Variants in PLXNC1 observed in about 807,000 individuals in gnomAD.
The protein encoded by PLXNC1 is plexin C1.
In PLXNC1, 75 loss-of-function variants were observed where a neutral mutation model predicts 178.2. The ratio of observed to expected loss-of-function variants is 0.42; its 90% CI spans 0.35 to 0.51. The LOEUF (loss-of-function observed/expected upper bound fraction) is 0.51, where lower values mean the gene tolerates loss of function less well. PLXNC1 is among the 20% of genes least tolerant of loss of function. The pLI, the probability that PLXNC1 is intolerant of heterozygous loss-of-function variation, is 0.02. For missense variants in PLXNC1, 1,503 were observed against 1,984.4 expected (o/e 0.76, Z 4.61); for synonymous variants, 790 against 779.9 (o/e 1.01, Z -0.22).
intron 4 of PLXNC1, 134 bp from the exon 5 acceptor site, chr12:94,209,456 A>G: frequency 1.6e-6 from 1 of 640,056 alleles, no homozygotes. Context: ...CGCTCAAATC[A>G]ATAATCCACT....
At chr12:94,262,426 GC>G in intron 20 of PLXNC1, 4 of 907,532 alleles carry the variant, frequency 4.4e-6, no homozygotes, top group Non-Finnish European at 5.3e-6. Flanking sequence ...GCTTTCAAGG[GC>G]TGCTCTTGGG....
At chr12:94,184,071 T>C (rs1592742428) in intron 3 of PLXNC1, among the ~76,000 whole-genome samples, 1 of 152,116 alleles carries the variant, frequency 6.6e-6, no homozygotes, top group East Asian at 1.9e-4. Context: ...CGGTCTGTTA[T>C]TAAATTAGAG....
intron 5 of PLXNC1, among the ~76,000 whole-genome samples, chr12:94,215,444 A>G (rs892512326): frequency 2.6e-5 from 4 of 152,174 alleles, no homozygotes; most frequent in African/African-American, 9.7e-5. Flanking sequence ...TAAAATTAAT[A>G]TAAAATTCAT....
chr12:94,265,390 C>T (rs559278659), intron 21 of PLXNC1, among the ~76,000 whole-genome samples, 165 bp downstream of exon 21: 1 of 152,192 alleles, frequency 6.6e-6, no homozygotes, highest in Admixed American at 6.5e-5. Context: ...AACACGTGTT[C>T]ACATAATAGA....
chr12:94,249,913 G>GA (rs763714788), intron 14 of PLXNC1, among the ~76,000 whole-genome samples: 82 of 118,514 alleles, frequency 6.9e-4, no homozygotes, highest in Middle Eastern at 9.3e-3. Context: ...TTGCTATGGA[G>GA]AAAAAAAGCA....
chr12:94,201,580 C>A (rs932946626), intron 4 of PLXNC1, among the ~76,000 whole-genome samples: 2 of 152,100 alleles, frequency 1.3e-5, no homozygotes, highest in African/African-American at 4.8e-5. Flanking sequence ...GGGCACATGT[C>A]TTGCTTGAGG....
At chr12:94,254,340 C>T (rs1381899243) in intron 15 of PLXNC1, 2 of 365,044 alleles carry the variant, frequency 5.5e-6, no homozygotes, top group Admixed American at 3.6e-5. Context: ...ATGTAGCCAA[C>T]TGTGGATCTG....
intron 4 of PLXNC1, among the ~76,000 whole-genome samples, chr12:94,198,187 A>G (rs1296115370): frequency 6.6e-6 from 1 of 152,194 alleles, no homozygotes; most frequent in Admixed American, 6.5e-5. Context: ...CATGGAATGA[A>G]AAGGAATGAG....
intron 19 of PLXNC1, among the ~76,000 whole-genome samples, 172 bp downstream of exon 19, chr12:94,259,906 A>C (rs1386365093): frequency 2.0e-5 from 3 of 152,240 alleles, no homozygotes; most frequent in African/African-American, 7.2e-5. Context: ...CTACAAAAAA[A>C]AAAAAAAAGA....
chr12:94,265,859 A>G (rs1461951423), intron 21 of PLXNC1, among the ~76,000 whole-genome samples: 1 of 151,678 alleles, frequency 6.6e-6, no homozygotes, highest in Non-Finnish European at 1.5e-5. Flanking sequence ...CACCCACCCC[A>G]TGCTCTTCCT....
intron 4 of PLXNC1, among the ~76,000 whole-genome samples, chr12:94,207,513 T>A (rs1963336108): frequency 6.6e-6 from 1 of 152,202 alleles, no homozygotes; most frequent in Non-Finnish European, 1.5e-5. Context: ...ATTTCATATT[T>A]CATCCTTTCA....
chr12:94,257,895 C>T (rs1022492708), intron 17 of PLXNC1, among the ~76,000 whole-genome samples: 58 of 145,270 alleles, frequency 4.0e-4, no homozygotes, highest in African/African-American at 1.2e-3. Context: ...GGCGACAGAG[C>T]GAGACTCTGT....
At chr12:94,226,749 C>A in intron 8 of PLXNC1, 42 bp downstream of exon 8, 1 of 1,380,398 alleles carries the variant, frequency 7.2e-7, no homozygotes, top group Non-Finnish European at 1.0e-6. Flanking sequence ...AACCGCCGGG[C>A]ATGGTGGCTC....
chr12:94,237,756 G>C lies in PLXNC1; in HGVS notation c.2073G>C (p.Ser691=), dbSNP rs774795224. The C allele has an allele frequency of 2.5e-6, 4 of 1,613,784 alleles. No individual in the cohort carries two copies. Among genetic ancestry groups the C allele is most frequent in the Non-Finnish European group, 3.4e-6 (4 of 1,179,930 alleles). Reference sequence around the variant, plus strand: ...CGGGAGCAAACTTTACCCGGGCATCGAACATCACAATGATCCTGAAAGGAA... The same window carrying C: ...CGGGAGCAAACTTTACCCGGGCATCCAACATCACAATGATCCTGAAAGGAA... ...IVTGANFTRA[S]NITMILKGTS... The change falls in exon 10 of 31, where the codon TCG becomes TCC. Residue 691 remains serine (S), a synonymous_variant. Coordinates refer to ENST00000258526, the MANE Select transcript of PLXNC1 (RefSeq NM_005761.3).
At chr12:94,228,144 A>G (rs1247388724) in intron 9 of PLXNC1, among the ~76,000 whole-genome samples, 1 of 152,258 alleles carries the variant, frequency 6.6e-6, no homozygotes, top group Admixed American at 6.5e-5. Flanking sequence ...TAGTAACTTC[A>G]GGTGAATTAA....
chr12:94,199,421 G>A lies in PLXNC1; in HGVS notation c.1440-10169G>A, dbSNP rs141724034. Among the ~76,000 whole-genome samples, 12 of 152,308 alleles carry A rather than the reference G, an allele frequency of 7.9e-5. No individual in the cohort carries two copies. In the East Asian group the frequency reaches 2.1e-3, roughly 27 times the overall value. ...CATTGTGCCGACTAATTGTGTAGAA[G>A]CAAGTAGGACAACTGTCTGTGGGGT... On this transcript the variant is annotated intron_variant, in intron 4 of 30. Coordinates refer to ENST00000258526, the MANE Select transcript of PLXNC1 (RefSeq NM_005761.3).
chr12:94,297,501 G>T, intron 26 of PLXNC1, 78 bp downstream of exon 26: 1 of 1,002,692 alleles, frequency 1.0e-6, no homozygotes, highest in Non-Finnish European at 1.5e-6. Context: ...CCACTGAAGT[G>T]TGAAAATGTT....
At chr12:94,299,567 CTT>C (rs34252420) in intron 27 of PLXNC1, among the ~76,000 whole-genome samples, 2 of 151,344 alleles carry the variant, frequency 1.3e-5, no homozygotes, top group East Asian at 1.9e-4. Flanking sequence ...GTTCTAGCCT[CTT>C]TTTTTTTGAG....
At chr12:94,219,174 G>T (rs1367089350) in intron 5 of PLXNC1, among the ~76,000 whole-genome samples, 1 of 152,184 alleles carries the variant, frequency 6.6e-6, no homozygotes, top group Non-Finnish European at 1.5e-5. Context: ...TGCCTTATCA[G>T]ATGCTAAATA....
Sources: allele counts gnomAD v4.1 joint callset (sites outside exome capture counted in the v4.1 genomes callset), GRCh38; gene constraint gnomAD v4.1.1; transcripts MANE v1.5; gene names NCBI Gene and HGNC (gene_info 2026-07-23, HGNC 2026-07-21).